The following C12orf56 variants were observed in gnomAD, a reference collection of about 807,000 sequenced individuals.
C12orf56 encodes the protein uncharacterized protein C12orf56.
C12orf56 carries 71 observed loss-of-function variants against 69.9 expected under a neutral mutation model. The ratio of observed to expected loss-of-function variants is 1.02; its 90% confidence interval spans 0.84 to 1.24. The LOEUF (loss-of-function observed/expected upper bound fraction) is 1.24. Ranked by LOEUF, C12orf56 falls within the 50% of genes most tolerant of loss-of-function variation. C12orf56 has a pLI of 0.00. For synonymous variants in C12orf56, 276 were observed against 274.1 expected, an observed-to-expected ratio of 1.01 and a Z score of -0.07; for missense variants, 732 against 738.5, an observed-to-expected ratio of 0.99 and a Z score of 0.10.
intron 1 of C12orf56, among the ~76,000 whole-genome samples, chr12:64,379,927 C>CAAAAAAAAAAA (rs200293677): frequency 3.8e-4 from 43 of 114,018 alleles, no homozygotes; most frequent in African/African-American, 8.4e-4. Context: ...ACTAAAAATA[C>CAAAAAAAAAAA]AAAAAAAAAA....
intron 2 of C12orf56, among the ~76,000 whole-genome samples, chr12:64,345,109 G>T (rs114173270): frequency 3.9e-5 from 6 of 152,036 alleles, no homozygotes; most frequent in Non-Finnish European, 8.8e-5. Flanking sequence ...AACTCATGAG[G>T]TTCTTTTTGA....
intron 2 of C12orf56, among the ~76,000 whole-genome samples, chr12:64,331,576 C>A (rs1477400476): frequency 6.6e-6 from 1 of 152,166 alleles, no homozygotes; most frequent in Non-Finnish European, 1.5e-5. Context: ...GCTCTGCCCT[C>A]ATAAATGGGA....
At chr12:64,365,092 TCTTTTATGTG>T (rs1237673736) in intron 1 of C12orf56, among the ~76,000 whole-genome samples, 2 of 151,922 alleles carry the variant, frequency 1.3e-5, no homozygotes, top group African/African-American at 4.8e-5. Flanking sequence ...CATTACATGA[TCTTTTATGTG>T]CTTTATAGGT....
intron 1 of C12orf56, among the ~76,000 whole-genome samples, chr12:64,353,938 C>A (rs1044355408): frequency 6.6e-6 from 1 of 152,228 alleles, no homozygotes; most frequent in African/African-American, 2.4e-5. Context: ...GCCTCGGCCT[C>A]CCAAAGTGCT....
intron 2 of C12orf56, among the ~76,000 whole-genome samples, chr12:64,345,491 C>T (rs935811485): frequency 6.6e-6 from 1 of 152,208 alleles, no homozygotes; most frequent in African/African-American, 2.4e-5. Flanking sequence ...ATTCCCATTC[C>T]AAGTTGCAGG....
chr12:64,298,310 T>A (rs1302555952), intron 6 of C12orf56, among the ~76,000 whole-genome samples: 3 of 152,146 alleles, frequency 2.0e-5, no homozygotes, highest in Non-Finnish European at 4.4e-5. Flanking sequence ...ATTGCAAAAA[T>A]TTTCTCTCGT....
intron 1 of C12orf56, among the ~76,000 whole-genome samples, chr12:64,374,141 T>C (rs1168866960): frequency 6.6e-6 from 1 of 152,218 alleles, no homozygotes; most frequent in Non-Finnish European, 1.5e-5. Context: ...GAATGATCCA[T>C]CTACAAATTC....
intron 8 of C12orf56, among the ~76,000 whole-genome samples, chr12:64,282,552 T>C (rs1592416391): frequency 6.6e-6 from 1 of 150,706 alleles, no homozygotes; most frequent in African/African-American, 2.4e-5. Context: ...AGGGGGCAGA[T>C]CACTTGAGCC....
At chr12:64,333,774 T>A (rs1250007647) in intron 2 of C12orf56, among the ~76,000 whole-genome samples, 1 of 152,258 alleles carries the variant, frequency 6.6e-6, no homozygotes, top group East Asian at 1.9e-4. Flanking sequence ...TGTGCTGGGA[T>A]TCCAGGTGTG....
intron 1 of C12orf56, among the ~76,000 whole-genome samples, chr12:64,378,197 G>A (rs2039666670): frequency 1.3e-5 from 2 of 152,220 alleles, no homozygotes; most frequent in African/African-American, 4.8e-5. Flanking sequence ...CATGTGGAAT[G>A]CACACATGGT....
At chr12:64,314,434 A>C (rs1039766923) in intron 4 of C12orf56, among the ~76,000 whole-genome samples, 3 of 152,166 alleles carry the variant, frequency 2.0e-5, no homozygotes, top group African/African-American at 7.2e-5. Flanking sequence ...TCCATAGCAT[A>C]GATACACAAC....
intron 8 of C12orf56, among the ~76,000 whole-genome samples, chr12:64,280,560 T>C (rs950978604): frequency 6.6e-6 from 1 of 152,188 alleles, no homozygotes; most frequent in African/African-American, 2.4e-5. Flanking sequence ...TGTTTGTCTG[T>C]CACTCTTGTG....
intron 2 of C12orf56, among the ~76,000 whole-genome samples, chr12:64,331,833 T>C (rs1051715614): frequency 1.3e-5 from 2 of 152,168 alleles, no homozygotes; most frequent in Non-Finnish European, 2.9e-5. Flanking sequence ...TATTTTGTTA[T>C]AGCAGCAGGT....
chr12:64,338,165 C>A, intron 2 of C12orf56: 2 of 569,298 alleles, frequency 3.5e-6, no homozygotes, highest in South Asian at 2.8e-5. Flanking sequence ...CTCCACCTCC[C>A]GAAGGCTTAG....
chr12:64,307,884 T>C (rs893085178), intron 5 of C12orf56, among the ~76,000 whole-genome samples: 1 of 151,878 alleles, frequency 6.6e-6, no homozygotes, highest in African/African-American at 2.4e-5. Flanking sequence ...GCCATGGTAG[T>C]GTGCACCTGT....
At chr12:64,267,346 G>C (rs2037929503) in intron 12 of C12orf56, 58 bp from the exon 13 acceptor site, 1 of 1,312,180 alleles carries the variant, frequency 7.6e-7, no homozygotes, top group Non-Finnish European at 1.1e-6. Flanking sequence ...TTTTCACATT[G>C]GTCACTTGAG....
At chr12:64,353,801 C>T (rs1454519927) in intron 1 of C12orf56, among the ~76,000 whole-genome samples, 1 of 152,154 alleles carries the variant, frequency 6.6e-6, no homozygotes, top group Non-Finnish European at 1.5e-5. Flanking sequence ...CGTGCCTCAG[C>T]CTCCCAAGTA....
intron 1 of C12orf56, among the ~76,000 whole-genome samples, chr12:64,384,304 C>T (rs1366773826): frequency 6.6e-6 from 1 of 152,068 alleles, no homozygotes; most frequent in Non-Finnish European, 1.5e-5. Context: ...AATCAGAAGA[C>T]AGTATTTTGT....
At chr12:64,327,090 G>A (rs1241771647) in intron 3 of C12orf56, among the ~76,000 whole-genome samples, 2 of 152,234 alleles carry the variant, frequency 1.3e-5, no homozygotes, top group Admixed American at 6.5e-5. Context: ...GTCCTGCACA[G>A]CCTAGGAACT....
Sources: gnomAD v4.1 joint callset for allele counts (sites outside exome capture counted in the v4.1 genomes callset) on GRCh38, gnomAD v4.1.1 for gene constraint, MANE v1.5 for transcripts, NCBI Gene and HGNC (gene_info 2026-07-23, HGNC 2026-07-21) for gene names.